SLC8A3: variants seen among roughly 807,000 people sequenced by gnomAD.
The protein encoded by SLC8A3 is sodium/calcium exchanger 3.
A neutral mutation model predicts 65.4 loss-of-function variants in SLC8A3; 37 were observed. The ratio of observed to expected loss-of-function variants is 0.57; its 90% CI spans 0.44 to 0.74. The LOEUF is 0.74. Among genes scored for constraint, SLC8A3 ranks in the 30% least tolerant of loss-of-function variants. SLC8A3 has a pLI of 0.00. For synonymous variants in SLC8A3, 461 were observed against 444.5 expected, an observed-to-expected ratio of 1.04 and a Z score of -0.47; for missense variants, 1,112 against 1,172.1, an observed-to-expected ratio of 0.95 and a Z score of 0.75.
chr14:70,055,776 G>A lies in SLC8A3; in HGVS notation c.1889-3662C>T, dbSNP rs758995494. On this transcript the variant is annotated intron_variant, in intron 3 of 6. Transcript: ENST00000356921. ...CTGGCAAGAAGTGGAAAGAAAAGAG[G>A]GGGACAAGACACCTCTTACCTGGAG... The A allele has an allele frequency of 6.2e-6, 10 of 1,600,752 alleles. No homozygotes were observed. In the East Asian group the frequency reaches 6.8e-5, roughly 11 times the overall value.
chr14:70,159,422 A>C (rs929323746), intron 2 of SLC8A3, among the ~76,000 whole-genome samples: 54 of 150,250 alleles, frequency 3.6e-4, no homozygotes, highest in African/African-American at 9.3e-4. Context: ...AAAAAAAAAA[A>C]AACAAAAAAA....
chr14:70,169,697 G>A (rs530951353), intron 1 of SLC8A3, among the ~76,000 whole-genome samples: 2 of 145,910 alleles, frequency 1.4e-5, no homozygotes, highest in African/African-American at 2.5e-5. Context: ...AAAGTGGGGG[G>A]GGGGGCGATC....
intron 3 of SLC8A3, among the ~76,000 whole-genome samples, chr14:70,052,744 C>A (rs1011704859): frequency 2.0e-5 from 3 of 152,186 alleles, no homozygotes; most frequent in Non-Finnish European, 2.9e-5. Context: ...CTCTTGGCAG[C>A]TTGTTTCTTT....
intron 2 of SLC8A3, among the ~76,000 whole-genome samples, chr14:70,112,418 T>G (rs1161220866): frequency 6.6e-6 from 1 of 152,118 alleles, no homozygotes; most frequent in Non-Finnish European, 1.5e-5. Context: ...GTGAGAGGCA[T>G]GAAAGCCTTG....
chr14:70,051,929 G>T, intron 4 of SLC8A3, 61 bp downstream of exon 4: 1 of 1,475,102 alleles, frequency 6.8e-7, no homozygotes, highest in Non-Finnish European at 9.4e-7. Flanking sequence ...AAACACCCCA[G>T]GTCTTCTGCC....
intron 1 of SLC8A3, among the ~76,000 whole-genome samples, chr14:70,187,617 GTGTGTGTGTGTGTGTGT>G (rs1389562726): frequency 8.5e-6 from 1 of 116,980 alleles, no homozygotes; most frequent in Non-Finnish European, 2.1e-5. Flanking sequence ...GTGTGTGTGT[GTGTGTGTGTGTGTGTGT>G]GTGTGTCCGC....
At chr14:70,109,465 AT>A (rs1893129101) in intron 2 of SLC8A3, among the ~76,000 whole-genome samples, 1 of 151,180 alleles carries the variant, frequency 6.6e-6, no homozygotes, top group African/African-American at 2.4e-5. Context: ...ATATATATAT[AT>A]ATATATAAAA....
At chr14:70,123,489 G>T (rs545535327) in intron 2 of SLC8A3, among the ~76,000 whole-genome samples, 7 of 146,228 alleles carry the variant, frequency 4.8e-5, no homozygotes, top group African/African-American at 7.5e-5. Flanking sequence ...CACTCTTGTC[G>T]CCCAGGCTGG....
chr14:70,078,913 G>T (rs977854579), intron 2 of SLC8A3, among the ~76,000 whole-genome samples: 1 of 152,194 alleles, frequency 6.6e-6, no homozygotes, highest in Non-Finnish European at 1.5e-5. Flanking sequence ...TGTCCACCTT[G>T]AAAGTGGGCA....
At chr14:70,184,216 T>C (rs576798960) in intron 1 of SLC8A3, among the ~76,000 whole-genome samples, 2 of 152,316 alleles carry the variant, frequency 1.3e-5, no homozygotes, top group African/African-American at 4.8e-5. Context: ...CACCTGGGTT[T>C]CTATACAGCT....
chr14:70,058,002 T>C lies in SLC8A3; in HGVS notation c.1888+2834A>G, dbSNP rs143448338. Reference sequence around the variant, plus strand: ...AGTGTTGCTCTCGGAAGTCCACTTCTAGACTCCAGAGCAACTGTGTTTCCT... The same window carrying C: ...AGTGTTGCTCTCGGAAGTCCACTTCCAGACTCCAGAGCAACTGTGTTTCCT... On this transcript the variant is annotated intron_variant, in intron 3 of 6. Coordinates refer to ENST00000356921, the MANE Select transcript of SLC8A3 (RefSeq NM_182932.3). 2.9e-3 allele frequency among the ~76,000 whole-genome samples: 438 copies of C among 152,364 alleles called. 8 individuals are homozygous for C. Among genetic ancestry groups the C allele is most frequent in the East Asian group, 0.019 (97 of 5,178 alleles).
intron 1 of SLC8A3, among the ~76,000 whole-genome samples, chr14:70,186,643 T>A (rs1883243713): frequency 6.6e-6 from 1 of 152,206 alleles, no homozygotes. Flanking sequence ...AAAAGGAGGC[T>A]ACAAAGTGGA....
intron 1 of SLC8A3, among the ~76,000 whole-genome samples, chr14:70,186,823 C>CA (rs1324412192): frequency 6.6e-6 from 1 of 152,074 alleles, no homozygotes; most frequent in East Asian, 1.9e-4. Context: ...GTGACGCCAG[C>CA]AAAAAGAAGC....
intron 2 of SLC8A3, among the ~76,000 whole-genome samples, chr14:70,137,621 C>A (rs1895291105): frequency 6.6e-6 from 1 of 152,076 alleles, no homozygotes; most frequent in South Asian, 2.1e-4. Context: ...GTGGTTCCTG[C>A]CTCTGAGAAC....
At chr14:70,175,360 T>C (rs1897835110) in intron 1 of SLC8A3, among the ~76,000 whole-genome samples, 1 of 152,160 alleles carries the variant, frequency 6.6e-6, no homozygotes, top group Non-Finnish European at 1.5e-5. Context: ...CAAAGATTCA[T>C]AATTTACCCA....
At chr14:70,092,845 A>T (rs1357847645) in intron 2 of SLC8A3, among the ~76,000 whole-genome samples, 1 of 152,208 alleles carries the variant, frequency 6.6e-6, no homozygotes, top group Non-Finnish European at 1.5e-5. Context: ...ATGCAAGCCA[A>T]AAAAATCCCA....
intron 2 of SLC8A3, among the ~76,000 whole-genome samples, chr14:70,136,127 A>G (rs956546892): frequency 5.3e-5 from 8 of 152,210 alleles, no homozygotes; most frequent in Non-Finnish European, 1.0e-4. Flanking sequence ...GAAGAAGAAG[A>G]GGGCTATGTG....
At chr14:70,055,633 A>C (rs1201051503) in intron 3 of SLC8A3, among the ~76,000 whole-genome samples, 1 of 152,166 alleles carries the variant, frequency 6.6e-6, no homozygotes, top group East Asian at 1.9e-4. Context: ...CTTTCTCATA[A>C]TTTCTTCATG....
At chr14:70,057,047 G>A (rs1024019204) in intron 3 of SLC8A3, among the ~76,000 whole-genome samples, 2 of 152,068 alleles carry the variant, frequency 1.3e-5, no homozygotes, top group African/African-American at 4.8e-5. Context: ...TGTGTGTTGT[G>A]GGGGAACCAG....
Sources: allele counts gnomAD v4.1 joint callset (sites outside exome capture counted in the v4.1 genomes callset), GRCh38; gene constraint gnomAD v4.1.1; transcripts MANE v1.5; gene names NCBI Gene and HGNC (gene_info 2026-07-23, HGNC 2026-07-21).